Variants in SPTLC3 observed in about 807,000 individuals in gnomAD.
SPTLC3 encodes serine palmitoyltransferase long chain base subunit 3, also known as serine palmitoyltransferase 3.
SPTLC3 carries 36 observed loss-of-function variants against 59.3 expected under a neutral mutation model. The ratio of observed to expected loss-of-function variants is 0.61; its 90% CI spans 0.47 to 0.80. SPTLC3 has a LOEUF of 0.80. Among genes scored for constraint, SPTLC3 ranks in the 30% least tolerant of loss-of-function variants. The probability of loss-of-function intolerance (pLI) is 0.00; values close to 1 mark genes in which losing one functional copy is unlikely to be tolerated. For missense variants in SPTLC3, 625 were observed against 685.1 expected, an observed-to-expected ratio of 0.91 and a Z score of 0.98; for synonymous variants, 257 against 240.8, an observed-to-expected ratio of 1.07 and a Z score of -0.62.
intron 11 of SPTLC3, among the ~76,000 whole-genome samples, chr20:13,163,603 C>T (rs2038939791): frequency 6.6e-6 from 1 of 151,872 alleles, no homozygotes; most frequent in African/African-American, 2.4e-5. Flanking sequence ...TTTAGAAAAA[C>T]AGGGAAGAAC....
rs2038993280 is a variant in SPTLC3, at chr20:13,167,064, T to C, written c.*2197T>C. ...ATACAGGTATGAGAACAACTGTTGA[T>C]ATACAGGTATAATCCAAGTAGAATG... is the stretch of plus-strand genomic sequence containing the variant. On this transcript the variant is annotated 3_prime_UTR_variant, in exon 12 of 12. Coordinates refer to ENST00000399002, the MANE Select transcript of SPTLC3 (RefSeq NM_018327.4). 1 of 152,176 alleles carries C rather than the reference T, an allele frequency of 6.6e-6. No homozygotes were observed. The highest frequency in any genetic ancestry group is 2.4e-5 in the African/African-American group (1 of 41,432). 9.4% of individuals were successfully genotyped at this position (152,176 alleles called of 1,614,324 possible).
At chr20:13,011,913 GA>G (rs1246382474) in intron 1 of SPTLC3, among the ~76,000 whole-genome samples, 1 of 151,932 alleles carries the variant, frequency 6.6e-6, no homozygotes, top group East Asian at 1.9e-4. Context: ...CCACACTACA[GA>G]CAGATGGGTG....
chr20:13,083,898 C>T (rs17812131), intron 4 of SPTLC3, among the ~76,000 whole-genome samples: 13,020 of 152,156 alleles, frequency 0.086, 628 homozygotes, highest in Non-Finnish European at 0.11. Flanking sequence ...GGTCCAGCAA[C>T]CTAGTGTCTC....
intron 9 of SPTLC3, among the ~76,000 whole-genome samples, chr20:13,127,663 C>G (rs1295305539): frequency 6.6e-6 from 1 of 152,040 alleles, no homozygotes; most frequent in African/African-American, 2.4e-5. Flanking sequence ...CTTCACTTAC[C>G]CCCATACTGA....
At chr20:13,099,858 G>A (rs557607651) in intron 6 of SPTLC3, among the ~76,000 whole-genome samples, 1 of 152,298 alleles carries the variant, frequency 6.6e-6, no homozygotes, top group South Asian at 2.1e-4. Flanking sequence ...TGCAGAAACT[G>A]TATGTGCATG....
chr20:13,141,320 CTG>C (rs1198265492), intron 9 of SPTLC3, among the ~76,000 whole-genome samples: 2 of 152,180 alleles, frequency 1.3e-5, no homozygotes, highest in Admixed American at 1.3e-4. Context: ...CACTCAAATT[CTG>C]TCTCTTCTCT....
At chr20:13,015,148 A>G (rs538152158) in intron 1 of SPTLC3, among the ~76,000 whole-genome samples, 68 of 152,352 alleles carry the variant, frequency 4.5e-4, no homozygotes, top group African/African-American at 1.6e-3. Context: ...AGACAGGATT[A>G]TGCTGTTAAG....
chr20:13,101,978 T>A (rs114851387), intron 6 of SPTLC3, among the ~76,000 whole-genome samples: 3 of 151,996 alleles, frequency 2.0e-5, no homozygotes, highest in Non-Finnish European at 2.9e-5. Context: ...TGTCATGAGG[T>A]CAGAGGTCCA....
intron 8 of SPTLC3, among the ~76,000 whole-genome samples, chr20:13,121,824 A>T (rs1209678918): frequency 6.6e-6 from 1 of 152,210 alleles, no homozygotes; most frequent in Non-Finnish European, 1.5e-5. Context: ...GTCCAAAAAA[A>T]ATAAAATTTT....
chr20:13,122,994 G>T (rs368259141), intron 8 of SPTLC3, among the ~76,000 whole-genome samples: 6 of 152,026 alleles, frequency 3.9e-5, no homozygotes, highest in African/African-American at 1.2e-4. Flanking sequence ...CCTTCCTCCC[G>T]CCCCATGCTC....
chr20:13,055,688 A>G (rs6041818), intron 2 of SPTLC3, among the ~76,000 whole-genome samples: 131,954 of 151,814 alleles, frequency 0.87, 57,411 homozygotes, highest in East Asian at 0.91. Flanking sequence ...AAAAAAATAC[A>G]CATGAAGAGT....
intron 2 of SPTLC3, among the ~76,000 whole-genome samples, chr20:13,065,265 GTT>G (rs34809007): frequency 9.8e-4 from 135 of 138,206 alleles, no homozygotes; most frequent in African/African-American, 2.9e-3. Flanking sequence ...ATTTGTTAGA[GTT>G]TTTTTTTTTT....
At chr20:13,024,796 A>T (rs1014867898) in intron 1 of SPTLC3, among the ~76,000 whole-genome samples, 1 of 152,068 alleles carries the variant, frequency 6.6e-6, no homozygotes, top group Non-Finnish European at 1.5e-5. Flanking sequence ...CCTGCTACAC[A>T]CTCATAATTC....
At chr20:13,011,931 G>A (rs1297112995) in intron 1 of SPTLC3, among the ~76,000 whole-genome samples, 1 of 152,034 alleles carries the variant, frequency 6.6e-6, no homozygotes, top group East Asian at 1.9e-4. Context: ...GGTGCTTAAA[G>A]TCTTAATCTA....
chr20:13,157,442 A>T (rs777181391), intron 10 of SPTLC3, among the ~76,000 whole-genome samples: 123 of 152,246 alleles, frequency 8.1e-4, no homozygotes, highest in Middle Eastern at 3.4e-3. Context: ...CATGTCAAAA[A>T]AAAAATTACT....
intron 1 of SPTLC3, among the ~76,000 whole-genome samples, chr20:13,027,231 A>G (rs1461032139): frequency 6.6e-6 from 1 of 152,226 alleles, no homozygotes; most frequent in Non-Finnish European, 1.5e-5. Flanking sequence ...TGATTTTTAT[A>G]AAACACGGCC....
chr20:13,154,256 C>A, intron 10 of SPTLC3, 118 bp downstream of exon 10: 1 of 1,323,798 alleles, frequency 7.6e-7, no homozygotes, highest in Non-Finnish European at 1.0e-6. Context: ...AGAATTCACT[C>A]GTACGGCTTC....
chr20:13,052,361 A>G (rs1424395423), intron 2 of SPTLC3, among the ~76,000 whole-genome samples: 9 of 152,170 alleles, frequency 5.9e-5, no homozygotes, highest in Non-Finnish European at 1.3e-4. Flanking sequence ...CACTTTTCCC[A>G]CAGTCTTCAC....
intron 2 of SPTLC3, chr20:13,050,511 T>C (rs892918500): frequency 2.0e-5 from 3 of 152,170 alleles, no homozygotes; most frequent in African/African-American, 7.2e-5. Flanking sequence ...AAAACATATT[T>C]GGGGGAATAA....
Sources: gnomAD v4.1 joint callset for allele counts (sites outside exome capture counted in the v4.1 genomes callset) on GRCh38, gnomAD v4.1.1 for gene constraint, MANE v1.5 for transcripts, NCBI Gene and HGNC (gene_info 2026-07-23, HGNC 2026-07-21) for gene names.